The following GALNT14 variants were observed in gnomAD, a reference collection of about 807,000 sequenced individuals.
GALNT14 encodes polypeptide N-acetylgalactosaminyltransferase 14, also known as UDP-GalNAc:polypeptide N-acetylgalactosaminyltransferase 14.
A neutral mutation model predicts 77.5 loss-of-function variants in GALNT14; 60 were observed. The ratio of observed to expected loss-of-function variants is 0.77; its 90% CI spans 0.63 to 0.96. The LOEUF is 0.96. GALNT14 is among the 40% of genes least tolerant of loss of function. The pLI is 0.00. For synonymous variants in GALNT14, 280 were observed against 281.7 expected (o/e 0.99, Z 0.06); for missense variants, 710 against 731.0 (o/e 0.97, Z 0.33).
chr2:31,036,989 G>A (rs1185447700), intron 1 of GALNT14, among the ~76,000 whole-genome samples: 1 of 152,048 alleles, frequency 6.6e-6, no homozygotes, highest in African/African-American at 2.4e-5. Context: ...TATCCTGTCT[G>A]GAGTCTGTTG....
intron 5 of GALNT14, 73 bp downstream of exon 5, chr2:30,955,839 C>A: frequency 1.3e-6 from 2 of 1,586,856 alleles, no homozygotes; most frequent in African/African-American, 1.3e-5. Flanking sequence ...ATCACCCCAA[C>A]ACACACACAC....
At chr2:30,949,139 A>T (rs536325534) in intron 6 of GALNT14, among the ~76,000 whole-genome samples, 1 of 152,288 alleles carries the variant, frequency 6.6e-6, no homozygotes, top group African/African-American at 2.4e-5. Flanking sequence ...CTTTATAATG[A>T]GTCACCAAAG....
intron 1 of GALNT14, among the ~76,000 whole-genome samples, chr2:31,016,198 GC>G (rs1434263286): frequency 2.0e-5 from 3 of 152,156 alleles, no homozygotes; most frequent in Admixed American, 2.0e-4. Flanking sequence ...TCTCCACTTG[GC>G]CCGCAGATGG....
intron 1 of GALNT14, among the ~76,000 whole-genome samples, chr2:31,030,825 C>A (rs1672360393): frequency 6.6e-6 from 1 of 152,234 alleles, no homozygotes; most frequent in South Asian, 2.1e-4. Flanking sequence ...TGATCACCAA[C>A]TGTCAGCATC....
intron 3 of GALNT14, among the ~76,000 whole-genome samples, chr2:30,964,682 C>A (rs1451284517): frequency 6.6e-6 from 1 of 152,158 alleles, no homozygotes; most frequent in African/African-American, 2.4e-5. Context: ...AGGGCTGTCC[C>A]CTTGGATGGG....
intron 11 of GALNT14, among the ~76,000 whole-genome samples, chr2:30,925,496 T>C (rs1263513098): frequency 6.6e-6 from 1 of 152,124 alleles, no homozygotes; most frequent in Non-Finnish European, 1.5e-5. Context: ...GTGATGCTGG[T>C]ATCTGGAAGG....
intron 14 of GALNT14, 35 bp from the exon 15 acceptor site, chr2:30,911,094 T>TG: frequency 6.2e-7 from 1 of 1,602,098 alleles, no homozygotes; most frequent in Non-Finnish European, 8.5e-7. Context: ...ATGAACTAGG[T>TG]GCCATCAGTA....
chr2:31,094,722 C>T (rs1186118420), intron 1 of GALNT14, among the ~76,000 whole-genome samples: 1 of 152,178 alleles, frequency 6.6e-6, no homozygotes, highest in East Asian at 1.9e-4. Context: ...TGAGGCTGGT[C>T]TTGAGATTGG....
rs561530128 is a variant in GALNT14, at chr2:30,918,015, A to C, written c.1381-5673T>G. On this transcript the variant is annotated intron_variant, in intron 13 of 14. Transcript: ENST00000349752. The stretch of plus-strand genomic sequence containing the variant: ...TTGTACCAACTGTGACAACAGCACA[A>C]GTGAGCTGATGGCTGTGCTGGGGTC... Among the ~76,000 whole-genome samples, 37 of 152,338 alleles carry C rather than the reference A, an allele frequency of 2.4e-4. No homozygotes were observed. The South Asian group carries it at 6.6e-3, about 27-fold the overall frequency.
chr2:31,002,378 C>A (rs1013610529), intron 1 of GALNT14, among the ~76,000 whole-genome samples: 2 of 151,754 alleles, frequency 1.3e-5, no homozygotes, highest in Non-Finnish European at 2.9e-5. Flanking sequence ...TGAAGTGAGC[C>A]GAGTTCATGC....
intron 2 of GALNT14, chr2:30,986,863 G>C (rs547529907): frequency 9.2e-5 from 14 of 152,322 alleles, no homozygotes; most frequent in African/African-American, 3.4e-4. Flanking sequence ...CTCTGTGTGA[G>C]CAGAATTGTT....
intron 1 of GALNT14, among the ~76,000 whole-genome samples, chr2:31,038,542 T>TG (rs971268915): frequency 2.7e-5 from 4 of 150,878 alleles, no homozygotes; most frequent in South Asian, 2.1e-4. Context: ...TCTCTGGAGA[T>TG]GGAGTTTGGC....
chr2:30,976,804 T>C lies in GALNT14; in HGVS notation c.300-10502A>G, dbSNP rs543951415. 8.5e-5 allele frequency among the ~76,000 whole-genome samples: 13 copies of C among 152,306 alleles called. No homozygotes were observed. In the East Asian group the frequency reaches 1.5e-3, roughly 18 times the overall value. The stretch of plus-strand genomic sequence containing the variant: ...TTTTAGCCCTGCTCAAATCACATCA[T>C]ACAACAGTAATAATAGATGACACAA... On this transcript the variant is annotated intron_variant, in intron 2 of 14. Coordinates refer to ENST00000349752, the MANE Select transcript of GALNT14 (RefSeq NM_024572.4).
chr2:31,133,480 T>C (rs1311103114), intron 1 of GALNT14, among the ~76,000 whole-genome samples: 1 of 152,220 alleles, frequency 6.6e-6, no homozygotes, highest in African/African-American at 2.4e-5. Context: ...ATGGTGTTTG[T>C]TGTATTTCTA....
At chr2:30,912,453 G>T (rs1038060541) in intron 13 of GALNT14, 111 bp from the exon 14 acceptor site, 4 of 1,199,422 alleles carry the variant, frequency 3.3e-6, no homozygotes. Context: ...AAGCACCAAG[G>T]GTCCCAGTAG....
At chr2:31,030,925 T>C (rs1352416098) in intron 1 of GALNT14, among the ~76,000 whole-genome samples, 2 of 152,174 alleles carry the variant, frequency 1.3e-5, no homozygotes, top group African/African-American at 2.4e-5. Context: ...GTATTTTGCA[T>C]TCACTGGGGG....
Position 30,945,802 on chromosome 2 carries a change from A to G in GALNT14, c.723T>C (p.Ser241=). Residue 241 remains serine (S), a synonymous_variant, in exon 7 of 15, where the codon TCT becomes TCC. Transcript: ENST00000349752. ...INLDTFTYIE[S]ASELRGGFDW... ...ACTCACCCCCTCTGAGCTCCGAGGCAGACTCGATGTAGGTGAAGGTGTCCA... is the reference window on the plus strand; with the variant it reads ...ACTCACCCCCTCTGAGCTCCGAGGCGGACTCGATGTAGGTGAAGGTGTCCA... 6.2e-7 allele frequency: 1 copy of G among 1,614,144 alleles called. No individual in the cohort carries two copies. The highest frequency in any genetic ancestry group is 8.5e-7 in the Non-Finnish European group (1 of 1,179,988).
chr2:30,963,578 T>C (rs1284502745), intron 3 of GALNT14, among the ~76,000 whole-genome samples: 2 of 152,346 alleles, frequency 1.3e-5, no homozygotes, highest in South Asian at 2.1e-4. Context: ...GAAGCCCCCA[T>C]ATTACATACA....
intron 1 of GALNT14, among the ~76,000 whole-genome samples, chr2:31,059,434 T>C (rs928646708): frequency 6.6e-6 from 1 of 152,084 alleles, no homozygotes; most frequent in Non-Finnish European, 1.5e-5. Context: ...AACATCTGTG[T>C]CCCCCTAAAA....
Sources: allele counts gnomAD v4.1 joint callset (sites outside exome capture counted in the v4.1 genomes callset), GRCh38; gene constraint gnomAD v4.1.1; transcripts MANE v1.5; gene names NCBI Gene and HGNC (gene_info 2026-07-23, HGNC 2026-07-21).